Variants in ANKRD28 observed in about 807,000 individuals in gnomAD.
ANKRD28 encodes serine/threonine-protein phosphatase 6 regulatory ankyrin repeat subunit A.
In ANKRD28, 44 loss-of-function variants were observed where a neutral mutation model predicts 126.5. The observed-to-expected ratio is 0.35, with a 90% CI of 0.27 to 0.45. The LOEUF is 0.45. Among genes scored for constraint, ANKRD28 ranks in the 20% least tolerant of loss-of-function variants. The pLI, the probability that ANKRD28 is intolerant of heterozygous loss-of-function variation, is 1.00. For synonymous variants in ANKRD28, 442 were observed against 468.5 expected, an observed-to-expected ratio of 0.94 and a Z score of 0.73; for missense variants, 1,110 against 1,316.6, an observed-to-expected ratio of 0.84 and a Z score of 2.43.
At chr3:15,832,353 A>C (rs2061223232) in intron 1 of ANKRD28, among the ~76,000 whole-genome samples, 1 of 152,206 alleles carries the variant, frequency 6.6e-6, no homozygotes. Flanking sequence ...CCTTATGTGT[A>C]GGGGTGCTGA....
At chr3:15,690,576 TTG>T (rs1168376139) in intron 17 of ANKRD28, among the ~76,000 whole-genome samples, 4 of 152,118 alleles carry the variant, frequency 2.6e-5, no homozygotes, top group African/African-American at 9.7e-5. Context: ...TTTTTTTGTT[TTG>T]TTTTGAGACA....
At chr3:15,708,995 T>C (rs959501644) in intron 13 of ANKRD28, among the ~76,000 whole-genome samples, 11 of 152,206 alleles carry the variant, frequency 7.2e-5, no homozygotes, top group Non-Finnish European at 1.0e-4. Context: ...CTGCCTTCAA[T>C]TCTTTCCTGT....
intron 4 of ANKRD28, among the ~76,000 whole-genome samples, chr3:15,742,916 G>A (rs2057196319): frequency 6.6e-6 from 1 of 150,900 alleles, no homozygotes; most frequent in Non-Finnish European, 1.5e-5. Context: ...TGACAATGGT[G>A]GTTTTGTGGA....
chr3:15,795,466 G>T (rs186941144), intron 1 of ANKRD28, among the ~76,000 whole-genome samples, 160 bp from the exon 2 acceptor site: 328 of 151,386 alleles, frequency 2.2e-3, no homozygotes, highest in Non-Finnish European at 4.0e-3. Context: ...TCAAAGTACA[G>T]GATTCCTACT....
chr3:15,724,882 G>A (rs1269500439), intron 6 of ANKRD28, among the ~76,000 whole-genome samples: 1 of 152,178 alleles, frequency 6.6e-6, no homozygotes, highest in Non-Finnish European at 1.5e-5. Flanking sequence ...TTGGGAGGCT[G>A]AGACAGAAGA....
intron 4 of ANKRD28, among the ~76,000 whole-genome samples, chr3:15,749,084 T>G (rs1471072785): frequency 6.9e-6 from 1 of 143,956 alleles, no homozygotes; most frequent in Non-Finnish European, 1.5e-5. Context: ...TCCTTTCATA[T>G]TCTATATTAT....
Position 15,853,314 on chromosome 3 carries a change from C to T in ANKRD28, c.27+6063G>A, listed in dbSNP as rs2061692363. 6.6e-6 allele frequency among the ~76,000 whole-genome samples: 1 copy of T among 152,048 alleles called. No homozygotes were observed. Among genetic ancestry groups the T allele is most frequent in the African/African-American group, 2.4e-5 (1 of 41,374 alleles). On this transcript the variant is annotated intron_variant, in intron 1 of 27. Transcript: ENST00000399451. The surrounding 1 kb of genome is among the most constrained non-coding windows in gnomAD (Gnocchi z 4.2). ...CAGGGTATTTTCCATGGGCATCTCA[C>T]CCCAGTCCAGAATGAGTACATTCAC...
At position 15,814,288 on chromosome 3, in the gene ANKRD28, T is replaced by C. The variant is rs771920492; in HGVS notation, c.28-18982A>G. On this transcript the variant is annotated intron_variant, in intron 1 of 27. Transcript: ENST00000399451. This position sits in a 1 kb window ranked among gnomAD's most constrained non-coding sequence, Gnocchi z 4.7. ...TTTCCTCTGGTGGAGGCAGTTGTAC[T>C]GTTTCAATTCCAATCACAGGCCTGT... 2.4e-6 allele frequency: 3 copies of C among 1,275,708 alleles called. No individual in the cohort carries two copies. Among genetic ancestry groups the C allele is most frequent in the South Asian group, 2.6e-5 (2 of 77,840 alleles). 79.0% of individuals were successfully genotyped at this position (1,275,708 alleles called of 1,614,324 possible).
chr3:15,770,279 C>G (rs951188304), intron 2 of ANKRD28, among the ~76,000 whole-genome samples: 1 of 151,938 alleles, frequency 6.6e-6, no homozygotes, highest in African/African-American at 2.4e-5. Flanking sequence ...TCTGTGGAAC[C>G]TTAAAGTTTC....
rs1376496471 is a variant in ANKRD28 at position 15,677,470 on chromosome 3, G to A, written c.2790+10C>T. The A allele has an allele frequency of 1.3e-6, 2 of 1,592,512 alleles. No individual in the cohort carries two copies. Among genetic ancestry groups the A allele is most frequent in the East Asian group, 2.2e-5 (1 of 44,672 alleles). ...AACAATGGAAACATATTCTTAAGAT[G>A]TATACATACCTTGCTACAAGCCAAA... On this transcript the variant is annotated intron_variant, in intron 25 of 27. Coordinates refer to ENST00000683139, the MANE Select transcript of ANKRD28 (RefSeq NM_001349278.2).
At chr3:15,785,610 G>A (rs1377258896) in intron 2 of ANKRD28, among the ~76,000 whole-genome samples, 1 of 152,050 alleles carries the variant, frequency 6.6e-6, no homozygotes, top group African/African-American at 2.4e-5. Context: ...ATTTATACCT[G>A]CTATGAGTGC....
intron 1 of ANKRD28, among the ~76,000 whole-genome samples, chr3:15,828,092 T>C (rs890030266): frequency 6.6e-6 from 1 of 152,188 alleles, no homozygotes; most frequent in Non-Finnish European, 1.5e-5. Context: ...CTGAAAGTTA[T>C]TTAGAGTTAA....
At chr3:15,742,969 T>C (rs985616420) in intron 4 of ANKRD28, among the ~76,000 whole-genome samples, 1 of 151,688 alleles carries the variant, frequency 6.6e-6, no homozygotes, top group Non-Finnish European at 1.5e-5. Flanking sequence ...AGAAATCGGA[T>C]GGTTGCCATG....
At chr3:15,764,103 C>CA (rs1395920927) in intron 3 of ANKRD28, among the ~76,000 whole-genome samples, 1 of 152,010 alleles carries the variant, frequency 6.6e-6, no homozygotes, top group Non-Finnish European at 1.5e-5. Context: ...CACACACCTG[C>CA]AGTCCCAGCT....
chr3:15,751,925 T>C, intron 3 of ANKRD28, 105 bp from the exon 4 acceptor site: 4 of 734,820 alleles, frequency 5.4e-6, no homozygotes, highest in Non-Finnish European at 8.3e-6. Flanking sequence ...TAAATGACAA[T>C]TGAAAAAAAA....
chr3:15,759,305 A>G (rs1182299994), intron 3 of ANKRD28, among the ~76,000 whole-genome samples: 1 of 151,800 alleles, frequency 6.6e-6, no homozygotes, highest in Non-Finnish European at 1.5e-5. Flanking sequence ...TAAATGTCTT[A>G]GTTTCCTTAT....
intron 18 of ANKRD28, 33 bp downstream of exon 18, chr3:15,689,986 T>C: frequency 6.5e-7 from 1 of 1,540,554 alleles, no homozygotes; most frequent in Non-Finnish European, 8.8e-7. Flanking sequence ...TGGATAGAAG[T>C]TATAAATAAA....
intron 4 of ANKRD28, among the ~76,000 whole-genome samples, chr3:15,747,987 T>C (rs1239687818): frequency 6.6e-6 from 1 of 152,180 alleles, no homozygotes; most frequent in African/African-American, 2.4e-5. Flanking sequence ...TTAAGGTCTG[T>C]TTTGTCTGAT....
chr3:15,686,112 G>A lies in ANKRD28; in HGVS notation c.2059C>T (p.Leu687=). 6.2e-7 allele frequency: 1 copy of A among 1,612,614 alleles called. No individual in the cohort carries two copies. Among genetic ancestry groups the A allele is most frequent in the Non-Finnish European group, 8.5e-7 (1 of 1,179,262 alleles). The change falls in exon 20 of 28, where the codon CTG becomes TTG. Residue 687 remains leucine, a synonymous_variant. Transcript: ENST00000683139. ...TGCCCGTTGAGAACAGATAGCATCA[G>A]AGGCGTCCTGAGCAACAACAGGAAT... The part of the protein sequence containing the change: ...DIQDGNGQTP[L]MLSVLNGHTD...
Sources: gnomAD v4.1 joint callset for allele counts (sites outside exome capture counted in the v4.1 genomes callset) on GRCh38, gnomAD v4.1.1 for gene constraint, Gnocchi (gnomAD v3.1) non-coding constraint, MANE v1.5 for transcripts, NCBI Gene and HGNC (gene_info 2026-07-23, HGNC 2026-07-21) for gene names.